DMXL1: variants seen among roughly 807,000 people sequenced by gnomAD.
DMXL1 encodes the protein Dmx like 1.
In DMXL1, 99 loss-of-function variants were observed where a neutral mutation model predicts 319.2. That is an observed-to-expected ratio of 0.31 (90% CI 0.26 to 0.37). DMXL1 has a LOEUF of 0.37. Ranked by LOEUF, DMXL1 falls within the 10% of genes least tolerant of loss-of-function variation. DMXL1 has a pLI of 1.00. For synonymous variants in DMXL1, 1,385 were observed against 1,235.2 expected (o/e 1.12, Z -2.54); for missense variants, 3,745 against 3,595.6 (o/e 1.04, Z -1.06).
rs181462317 is a variant in DMXL1, at chr5:119,128,176, A to C, written c.1103-1035A>C. 3.4e-5 allele frequency: 16 copies of C among 473,092 alleles called. No individual in the cohort carries two copies. The East Asian group carries it at 4.6e-4, about 13-fold the overall frequency. The allele number at this position is 473,092 out of a possible 1,614,324, so 29.3% of individuals were successfully genotyped here. On this transcript the variant is annotated intron_variant, in intron 9 of 43. Transcript: ENST00000539542. ...TTTGATTAAAACTTTGCATAGTTCC[A>C]CCTGCACGGTCTTTTTAATTCTGTG...
In DMXL1 at chr5:119,071,527, C is replaced by G. The variant is rs1409745302; in HGVS notation, c.-43C>G. On this transcript the variant is annotated 5_prime_UTR_variant, in exon 1 of 44. Coordinates refer to ENST00000539542, the MANE Select transcript of DMXL1 (RefSeq NM_001290321.3). ...GAGGGAAGCAGCCGCTGACCCGTGG[C>G]ATGAGCTGGATGCGGTGTCCGTTGC... 2.6e-6 allele frequency: 4 copies of G among 1,557,740 alleles called. No homozygotes were observed. Among genetic ancestry groups the G allele is most frequent in the Non-Finnish European group, 3.5e-6 (4 of 1,144,882 alleles).
At chr5:119,143,570 A>G (rs903540922) in intron 13 of DMXL1, among the ~76,000 whole-genome samples, 4 of 151,940 alleles carry the variant, frequency 2.6e-5, no homozygotes, top group African/African-American at 4.8e-5. Flanking sequence ...ATTGAAATCA[A>G]TTTTTCACAT....
At chr5:119,111,298 G>T (rs1212889604) in intron 5 of DMXL1, among the ~76,000 whole-genome samples, 1 of 152,016 alleles carries the variant, frequency 6.6e-6, no homozygotes, top group Non-Finnish European at 1.5e-5. Context: ...TGTTATTATT[G>T]AGCACTTGAA....
intron 9 of DMXL1, among the ~76,000 whole-genome samples, chr5:119,123,582 A>T (rs1762798331): frequency 6.6e-6 from 1 of 152,204 alleles, no homozygotes; most frequent in Admixed American, 6.5e-5. Flanking sequence ...ATTGAAGTTC[A>T]TTATTAGTTT....
Position 119,206,909 on chromosome 5 carries a change from A to G in DMXL1, c.7926+13A>G. ...AAACATCAATAAGGTACAAAATATCATTCAACTGAAATTAAAAATTGCATT... is the reference window on the plus strand; with the variant it reads ...AAACATCAATAAGGTACAAAATATCGTTCAACTGAAATTAAAAATTGCATT... On this transcript the variant is annotated intron_variant, in intron 34 of 43. Transcript: ENST00000539542. 2 of 1,474,896 alleles carry G rather than the reference A, an allele frequency of 1.4e-6. No individual in the cohort carries two copies. The highest frequency in any genetic ancestry group is 1.4e-5 in the African/African-American group (1 of 71,418). The allele number at this position is 1,474,896 out of a possible 1,614,324, so 91.4% of individuals were successfully genotyped here.
chr5:119,215,417 C>G (rs1374060164), intron 34 of DMXL1, among the ~76,000 whole-genome samples: 2 of 152,126 alleles, frequency 1.3e-5, no homozygotes, highest in East Asian at 3.9e-4. Flanking sequence ...AAGTGATTCT[C>G]GTGCCTCAGC....
At chr5:119,234,464 T>C (rs1330839184) in intron 39 of DMXL1, among the ~76,000 whole-genome samples, 2 of 152,214 alleles carry the variant, frequency 1.3e-5, no homozygotes, top group African/African-American at 2.4e-5. Flanking sequence ...CACATTCCTT[T>C]TATCATTGTG....
chr5:119,108,009 A>T (rs1758732469), intron 4 of DMXL1, among the ~76,000 whole-genome samples: 1 of 152,208 alleles, frequency 6.6e-6, no homozygotes, highest in African/African-American at 2.4e-5. Flanking sequence ...CTTACTTGGG[A>T]TTTAGACACA....
chr5:119,226,347 A>T (rs1164802552), intron 38 of DMXL1, among the ~76,000 whole-genome samples: 1 of 152,184 alleles, frequency 6.6e-6, no homozygotes, highest in Non-Finnish European at 1.5e-5. Context: ...TGAAAATGTT[A>T]TGAGACAGGA....
intron 35 of DMXL1, among the ~76,000 whole-genome samples, chr5:119,219,268 G>C (rs549713317): frequency 6.6e-5 from 10 of 152,240 alleles, no homozygotes; most frequent in Admixed American, 6.5e-4. Flanking sequence ...TCGATAGTAA[G>C]CATACTTGCC....
intron 7 of DMXL1, 31 bp downstream of exon 7, chr5:119,116,367 T>G: frequency 6.3e-7 from 1 of 1,591,612 alleles, no homozygotes. Context: ...CCTCCACATA[T>G]TAAGGGAGCA....
intron 2 of DMXL1, among the ~76,000 whole-genome samples, chr5:119,100,923 G>A (rs1469534343): frequency 6.6e-6 from 1 of 150,410 alleles, no homozygotes; most frequent in East Asian, 2.0e-4. Flanking sequence ...GGGACTACAG[G>A]CGCCTGCCAT....
chr5:119,166,554 T>A, intron 21 of DMXL1, 62 bp from the exon 22 acceptor site: 1 of 1,443,832 alleles, frequency 6.9e-7, no homozygotes, highest in South Asian at 1.3e-5. Flanking sequence ...CTTTAGAAAA[T>A]TGATTCTGAT....
At chr5:119,117,662 A>G (rs1355775425) in intron 7 of DMXL1, among the ~76,000 whole-genome samples, 1 of 151,982 alleles carries the variant, frequency 6.6e-6, no homozygotes. Flanking sequence ...GGTGGGAGAG[A>G]GAAGCCCGGA....
chr5:119,075,318 C>T (rs1349903888), intron 1 of DMXL1, among the ~76,000 whole-genome samples: 1 of 149,196 alleles, frequency 6.7e-6, no homozygotes, highest in East Asian at 2.0e-4. Context: ...CAGCTCACTG[C>T]AACCTCCGCC....
rs879489303 is a variant in DMXL1, at chr5:119,202,882, T to TATA, written c.7746-437_7746-436insATA. On this transcript the variant is annotated intron_variant, in intron 32 of 43. Coordinates refer to ENST00000539542, the MANE Select transcript of DMXL1 (RefSeq NM_001290321.3). Reference sequence around the variant, plus strand: ...ATACATACATATATATATATATATATTTTTATATATATATATATATATATT... The same window carrying TATA: ...ATACATACATATATATATATATATATATATTTTATATATATATATATATATATT... Among the ~76,000 whole-genome samples, 1,032 of 110,878 alleles carry TATA rather than the reference T, an allele frequency of 9.3e-3. 7 individuals carry two copies. Among genetic ancestry groups the TATA allele is most frequent in the Non-Finnish European group, 0.012 (653 of 52,892 alleles). The allele number at this position is 110,878 out of a possible 152,430, so 72.7% of individuals were successfully genotyped here. A position where few individuals can be genotyped will look rare whatever the true frequency, so the allele number is the denominator to read the frequency against.
intron 1 of DMXL1, among the ~76,000 whole-genome samples, chr5:119,090,851 C>G (rs1754638519): frequency 6.6e-6 from 1 of 152,006 alleles, no homozygotes; most frequent in African/African-American, 2.4e-5. Flanking sequence ...AGGCGTGAGC[C>G]ACCGTGCCTG....
intron 13 of DMXL1, among the ~76,000 whole-genome samples, chr5:119,140,470 A>G (rs1161632384): frequency 6.6e-6 from 1 of 152,174 alleles, no homozygotes; most frequent in Non-Finnish European, 1.5e-5. Flanking sequence ...ATCAGAAACT[A>G]CTACGAACAC....
chr5:119,123,108 C>A (rs938469313), intron 9 of DMXL1, among the ~76,000 whole-genome samples: 3 of 152,044 alleles, frequency 2.0e-5, no homozygotes, highest in Non-Finnish European at 4.4e-5. Flanking sequence ...GGAGACCGGC[C>A]CGGCCAACAC....
Sources: gnomAD v4.1 joint callset for allele counts (sites outside exome capture counted in the v4.1 genomes callset) on GRCh38, gnomAD v4.1.1 for gene constraint, MANE v1.5 for transcripts, NCBI Gene and HGNC (gene_info 2026-07-23, HGNC 2026-07-21) for gene names.